ZMAT4: variants seen among roughly 807,000 people sequenced by gnomAD.
The protein encoded by ZMAT4 is zinc finger matrin-type 4, also known as zinc finger matrin-type protein 4.
A neutral mutation model predicts 28.7 loss-of-function variants in ZMAT4; 17 were observed. That is an observed-to-expected ratio of 0.59 (90% CI 0.41 to 0.89). The LOEUF (loss-of-function observed/expected upper bound fraction) is 0.89, where lower values mean the gene tolerates loss of function less well. Among genes scored for constraint, ZMAT4 ranks in the 40% least tolerant of loss-of-function variants. The pLI, the probability that ZMAT4 is intolerant of heterozygous loss-of-function variation, is 0.00. For synonymous variants in ZMAT4, 117 were observed against 109.2 expected, an observed-to-expected ratio of 1.07 and a Z score of -0.44; for missense variants, 240 against 283.8, an observed-to-expected ratio of 0.85 and a Z score of 1.11.
At chr8:40,765,032 C>A (rs547814963) in intron 3 of ZMAT4, among the ~76,000 whole-genome samples, 1 of 152,152 alleles carries the variant, frequency 6.6e-6, no homozygotes, top group Non-Finnish European at 1.5e-5. Flanking sequence ...CAGGGTCTCA[C>A]TATCTTGTCC....
chr8:40,625,292 C>G (rs1162538172), intron 5 of ZMAT4, among the ~76,000 whole-genome samples: 2 of 151,946 alleles, frequency 1.3e-5, no homozygotes, highest in African/African-American at 4.8e-5. Context: ...TCTTACACAC[C>G]CTAAGAACCG....
At chr8:40,546,460 AC>A (rs1563334455) in intron 6 of ZMAT4, among the ~76,000 whole-genome samples, 1 of 152,208 alleles carries the variant, frequency 6.6e-6, no homozygotes, top group Non-Finnish European at 1.5e-5. Flanking sequence ...CAATTAATAG[AC>A]AAAAAGAAAT....
rs183767049 is a variant in ZMAT4, at chr8:40,815,393, T to C, written c.102+10182A>G. ...TTGCTGGATGTGACCATGAATTTGG[T>C]GTCAAAAGCAAATCAAAAAACAGAG... On this transcript the variant is annotated intron_variant, in intron 2 of 6. Transcript: ENST00000297737. 4.6e-5 allele frequency among the ~76,000 whole-genome samples: 7 copies of C among 152,276 alleles called. No individual in the cohort carries two copies. In the East Asian group the frequency reaches 1.4e-3, roughly 29 times the overall value.
intron 1 of ZMAT4, among the ~76,000 whole-genome samples, chr8:40,863,234 A>T (rs1817566476): frequency 6.6e-6 from 1 of 152,068 alleles, no homozygotes; most frequent in African/African-American, 2.4e-5. Flanking sequence ...GAGTGAGGTG[A>T]TCTGATTTGT....
At chr8:40,806,224 T>A (rs1217169841) in intron 2 of ZMAT4, among the ~76,000 whole-genome samples, 1 of 152,370 alleles carries the variant, frequency 6.6e-6, no homozygotes, top group Non-Finnish European at 1.5e-5. Context: ...ATCCACAGTG[T>A]GAATACTCAC....
At chr8:40,543,039 T>G (rs1301014502) in intron 6 of ZMAT4, among the ~76,000 whole-genome samples, 2 of 152,138 alleles carry the variant, frequency 1.3e-5, no homozygotes, top group African/African-American at 4.8e-5. Flanking sequence ...CTGTCTAAAA[T>G]GAACACAAAT....
chr8:40,751,451 G>A (rs560092540), intron 3 of ZMAT4, among the ~76,000 whole-genome samples: 3 of 152,070 alleles, frequency 2.0e-5, no homozygotes, highest in South Asian at 4.2e-4. Context: ...TCACTCTCAT[G>A]AGGACTGCAC....
chr8:40,679,629 A>T lies in ZMAT4; in HGVS notation c.350-4698T>A, dbSNP rs546027450. ...CAGTGTGGGGGTAACCACCCTCATGATTCAATTACTTCCCACTGGGTCCCC... is the reference window on the plus strand; with the variant it reads ...CAGTGTGGGGGTAACCACCCTCATGTTTCAATTACTTCCCACTGGGTCCCC... On this transcript the variant is annotated intron_variant, in intron 4 of 6. Coordinates refer to ENST00000297737, the MANE Select transcript of ZMAT4 (RefSeq NM_024645.3). 2.6e-4 allele frequency among the ~76,000 whole-genome samples: 40 copies of T among 152,272 alleles called. No individual in the cohort carries two copies. In the South Asian group the frequency reaches 8.1e-3, roughly 31 times the overall value.
chr8:40,669,301 A>C (rs984335266), intron 5 of ZMAT4, among the ~76,000 whole-genome samples: 2 of 152,074 alleles, frequency 1.3e-5, no homozygotes, highest in African/African-American at 4.8e-5. Context: ...CTTTTATGAC[A>C]TGGGCCCTTA....
At chr8:40,744,605 GC>G (rs1441511183) in intron 3 of ZMAT4, among the ~76,000 whole-genome samples, 2 of 152,140 alleles carry the variant, frequency 1.3e-5, no homozygotes, top group Non-Finnish European at 2.9e-5. Context: ...GAGCTGCTCA[GC>G]CGTAACCCAC....
At chr8:40,779,856 A>G (rs188875868) in intron 2 of ZMAT4, among the ~76,000 whole-genome samples, 138 of 152,274 alleles carry the variant, frequency 9.1e-4, no homozygotes, top group Admixed American at 4.4e-3. Flanking sequence ...GAGAGGCAAA[A>G]TCAGGGAGAA....
At chr8:40,873,684 C>G (rs1245243315) in intron 1 of ZMAT4, among the ~76,000 whole-genome samples, 4 of 152,194 alleles carry the variant, frequency 2.6e-5, no homozygotes, top group Non-Finnish European at 4.4e-5. Context: ...CATGGAAGAT[C>G]TAGATTCACA....
chr8:40,709,469 A>T (rs1810510693), intron 3 of ZMAT4, among the ~76,000 whole-genome samples: 1 of 152,250 alleles, frequency 6.6e-6, no homozygotes, highest in Non-Finnish European at 1.5e-5. Context: ...CTTTAAGAAA[A>T]AGATGGAAGG....
chr8:40,552,684 G>A (rs768871013), intron 6 of ZMAT4, among the ~76,000 whole-genome samples: 15 of 152,144 alleles, frequency 9.9e-5, no homozygotes, highest in Non-Finnish European at 1.9e-4. Flanking sequence ...AGAAGGATGA[G>A]TCTCCTATAT....
intron 4 of ZMAT4, 119 bp from the exon 5 acceptor site, chr8:40,675,050 A>C (rs990483324): frequency 2.9e-6 from 2 of 679,062 alleles, no homozygotes; most frequent in Non-Finnish European, 2.4e-6. Context: ...CATCCCCAAG[A>C]GTTCATTGAC....
At chr8:40,836,406 T>G (rs1020624270) in intron 1 of ZMAT4, among the ~76,000 whole-genome samples, 28 of 152,222 alleles carry the variant, frequency 1.8e-4, no homozygotes, top group African/African-American at 6.5e-4. Context: ...CACTCCTAAT[T>G]TCAGGCAAGA....
At chr8:40,683,374 T>C (rs779048743) in intron 4 of ZMAT4, among the ~76,000 whole-genome samples, 1 of 152,178 alleles carries the variant, frequency 6.6e-6, no homozygotes, top group African/African-American at 2.4e-5. Flanking sequence ...ATTATTAAAA[T>C]CTCCGGTTAT....
intron 6 of ZMAT4, among the ~76,000 whole-genome samples, chr8:40,568,320 G>T (rs1470563045): frequency 6.6e-6 from 1 of 152,142 alleles, no homozygotes; most frequent in Non-Finnish European, 1.5e-5. Context: ...TATCAAGCTT[G>T]AAACTGTTGT....
chr8:40,797,809 C>T (rs1563491043), intron 2 of ZMAT4, among the ~76,000 whole-genome samples: 1 of 152,194 alleles, frequency 6.6e-6, no homozygotes, highest in Non-Finnish European at 1.5e-5. Context: ...TCACCTGCAG[C>T]ATCCCCCATT....
Sources: gnomAD v4.1 joint callset for allele counts (sites outside exome capture counted in the v4.1 genomes callset) on GRCh38, gnomAD v4.1.1 for gene constraint, MANE v1.5 for transcripts, NCBI Gene and HGNC (gene_info 2026-07-23, HGNC 2026-07-21) for gene names.